IFI27L1: variants seen among roughly 807,000 people sequenced by gnomAD.
IFI27L1 encodes interferon alpha-inducible protein 27-like protein 1.
IFI27L1 carries 3 observed loss-of-function variants against 9.2 expected under a neutral mutation model. The ratio of observed to expected loss-of-function variants is 0.32; its 90% CI spans 0.15 to 0.84. The LOEUF is 0.84. IFI27L1 is among the 40% of genes least tolerant of loss of function. IFI27L1 has a pLI of 0.56. For synonymous variants in IFI27L1, 53 were observed against 50.0 expected (o/e 1.06, Z -0.26); for missense variants, 133 against 134.2 (o/e 0.99, Z 0.05).
intron 1 of IFI27L1, chr14:94,089,239 T>C (rs1886386495): frequency 1.3e-5 from 2 of 152,316 alleles, no homozygotes; most frequent in South Asian, 2.1e-4. Context: ...GAATGGCCAT[T>C]CCATAGTCAG....
chr14:94,102,098 G>A (rs1048814666), intron 4 of IFI27L1, 123 bp downstream of exon 4: 3 of 1,009,432 alleles, frequency 3.0e-6, no homozygotes, highest in Non-Finnish European at 4.6e-6. Context: ...TTGTCTTTCT[G>A]TCACTGTCCC....
intron 1 of IFI27L1, chr14:94,094,739 T>A (rs1886605959): frequency 6.6e-6 from 1 of 152,194 alleles, no homozygotes. Context: ...CACTCTGGAT[T>A]TGGCTTGAAG....
In IFI27L1 at chr14:94,094,139, G is replaced by C. The variant is rs74077345; in HGVS notation, c.-51-2748G>C. 6.7e-3 allele frequency among the ~76,000 whole-genome samples: 1,019 copies of C among 152,268 alleles called. 14 individuals are homozygous for C. The highest frequency in any genetic ancestry group is 0.023 in the African/African-American group (971 of 41,534). ...TGAGGCCCAATTTAGGAATGTTAGA[G>C]TCCTTCCAAAGATTCAGGGGGTTAG... On this transcript the variant is annotated intron_variant, in intron 1 of 4. Transcript: ENST00000555523.
chr14:94,091,619 G>C (rs1480777532), intron 1 of IFI27L1, among the ~76,000 whole-genome samples: 1 of 151,906 alleles, frequency 6.6e-6, no homozygotes, highest in East Asian at 1.9e-4. Flanking sequence ...AAATATCAGA[G>C]GTTTAAAACA....
At chr14:94,098,400 CTCT>C (rs1276427828) in intron 2 of IFI27L1, among the ~76,000 whole-genome samples, 1 of 152,202 alleles carries the variant, frequency 6.6e-6, no homozygotes, top group African/African-American at 2.4e-5. Flanking sequence ...GTATCTGTGT[CTCT>C]TCTTTTTCCC....
intron 1 of IFI27L1, among the ~76,000 whole-genome samples, chr14:94,092,239 C>A (rs1327563802): frequency 6.6e-6 from 1 of 151,302 alleles, no homozygotes; most frequent in South Asian, 2.1e-4. Flanking sequence ...CCTGGCCGTG[C>A]GCTCTGGCTC....
At chr14:94,101,694 C>A in intron 3 of IFI27L1, 120 bp from the exon 4 acceptor site, 1 of 990,518 alleles carries the variant, frequency 1.0e-6, no homozygotes, top group Non-Finnish European at 1.5e-6. Flanking sequence ...GGATCCCATC[C>A]CTGCTCAGTC....
chr14:94,083,689 G>A (rs896751840), intron 1 of IFI27L1, among the ~76,000 whole-genome samples: 8 of 152,224 alleles, frequency 5.3e-5, no homozygotes, highest in African/African-American at 1.7e-4. Context: ...TAGAGTAAGG[G>A]TACGTGAGTG....
intron 1 of IFI27L1, among the ~76,000 whole-genome samples, chr14:94,092,044 T>C (rs1886494771): frequency 6.6e-6 from 1 of 151,632 alleles, no homozygotes; most frequent in African/African-American, 2.4e-5. Context: ...GAGAATCGCT[T>C]GAACCTGGGC....
At chr14:94,084,185 C>T (rs1886203747) in intron 1 of IFI27L1, among the ~76,000 whole-genome samples, 1 of 152,108 alleles carries the variant, frequency 6.6e-6, no homozygotes, top group African/African-American at 2.4e-5. Flanking sequence ...GCTAATGTTA[C>T]AGAGCTCAGA....
At chr14:94,097,693 A>G (rs2402407) in intron 2 of IFI27L1, 315,459 of 701,298 alleles carry the variant, frequency 0.45, 74,498 homozygotes, top group African/African-American at 0.69. Flanking sequence ...ATAAGCATTC[A>G]CGGATAGATT....
intron 1 of IFI27L1, chr14:94,094,752 T>C (rs1180804792): frequency 6.6e-6 from 1 of 152,284 alleles, no homozygotes; most frequent in African/African-American, 2.4e-5. Context: ...GCTTGAAGTC[T>C]TCCTGTGTGA....
At chr14:94,100,018 C>T (rs988586488) in intron 2 of IFI27L1, among the ~76,000 whole-genome samples, 4 of 152,112 alleles carry the variant, frequency 2.6e-5, no homozygotes, top group Admixed American at 1.3e-4. Context: ...CCACACATAG[C>T]TAGTGGTTAC....
At chr14:94,100,253 G>C in intron 2 of IFI27L1, 1 of 985,326 alleles carries the variant, frequency 1.0e-6, no homozygotes, top group Non-Finnish European at 1.2e-6. Context: ...TGGGAGGATT[G>C]AGGCTGATTT....
Position 94,101,952 on chromosome 14 carries a change from T to G in IFI27L1, c.200T>G (p.Leu67Arg), listed in dbSNP as rs774117771. ...GGGGGCGGAGTTGCTGCTGGCAGTCTGGTGGCTATTCTGCAGTCAGTGGGT... is the reference window on the plus strand; with the variant it reads ...GGGGGCGGAGTTGCTGCTGGCAGTCGGGTGGCTATTCTGCAGTCAGTGGGT... ...ANGGGVAAGS[L>R]VAILQSVGAA... The change falls in exon 4 of 5, where the codon CTG becomes CGG. Residue 67 changes from leucine (L) to arginine (R), a missense_variant. Coordinates refer to ENST00000555523, the MANE Select transcript of IFI27L1 (RefSeq NM_206949.3). 3 of 1,614,144 alleles carry G rather than the reference T, an allele frequency of 1.9e-6. No individual in the cohort carries two copies. Among genetic ancestry groups the G allele is most frequent in the African/African-American group, 1.3e-5 (1 of 74,950 alleles).
intron 1 of IFI27L1, among the ~76,000 whole-genome samples, chr14:94,090,262 G>A (rs1300455057): frequency 1.3e-5 from 2 of 152,132 alleles, no homozygotes; most frequent in South Asian, 4.2e-4. Flanking sequence ...AGCAGGGTCA[G>A]TCTAAATTGC....
chr14:94,089,361 A>T (rs111544488), intron 1 of IFI27L1: 1 of 152,176 alleles, frequency 6.6e-6, no homozygotes. Flanking sequence ...CCTGGAACTG[A>T]GGGTTCCTCC....
At chr14:94,090,377 A>G (rs1886431267) in intron 1 of IFI27L1, among the ~76,000 whole-genome samples, 1 of 152,244 alleles carries the variant, frequency 6.6e-6, no homozygotes, top group South Asian at 2.1e-4. Flanking sequence ...TTAGTATAAA[A>G]CAAATCATAA....
At chr14:94,093,611 C>T (rs1886563689) in intron 1 of IFI27L1, among the ~76,000 whole-genome samples, 1 of 152,184 alleles carries the variant, frequency 6.6e-6, no homozygotes, top group South Asian at 2.1e-4. Context: ...AGCAGGAAGT[C>T]AGCATGGATT....
Sources: gnomAD v4.1 joint callset for allele counts (sites outside exome capture counted in the v4.1 genomes callset) on GRCh38, gnomAD v4.1.1 for gene constraint, MANE v1.5 for transcripts, NCBI Gene and HGNC (gene_info 2026-07-23, HGNC 2026-07-21) for gene names.